PAPPA2: variants seen among roughly 807,000 people sequenced by gnomAD.
PAPPA2 encodes the protein pappalysin 2, also known as pappalysin-2.
A neutral mutation model predicts 176.4 loss-of-function variants in PAPPA2; 86 were observed. That is an observed-to-expected ratio of 0.49 (90% CI 0.41 to 0.58). The LOEUF (loss-of-function observed/expected upper bound fraction) is 0.58. PAPPA2 is among the 20% of genes least tolerant of loss of function. PAPPA2 has a pLI of 0.00. For synonymous variants in PAPPA2, 809 were observed against 852.2 expected (o/e 0.95, Z 0.88); for missense variants, 2,073 against 2,256.9 (o/e 0.92, Z 1.65).
At chr1:176,839,257 A>G (rs1018339667) in intron 21 of PAPPA2, among the ~76,000 whole-genome samples, 3 of 152,182 alleles carry the variant, frequency 2.0e-5, no homozygotes, top group African/African-American at 7.2e-5. Flanking sequence ...CAGCAGGACA[A>G]CATTTCCCTC....
chr1:176,484,546 T>C (rs940167739), intron 1 of PAPPA2, among the ~76,000 whole-genome samples: 1 of 152,206 alleles, frequency 6.6e-6, no homozygotes, highest in African/African-American at 2.4e-5. Flanking sequence ...TTTTCAGCCA[T>C]TTTTCGGTTT....
intron 3 of PAPPA2, 58 bp downstream of exon 3, chr1:176,595,653 A>T: frequency 6.6e-7 from 1 of 1,510,314 alleles, no homozygotes; most frequent in South Asian, 1.3e-5. Context: ...ACATCATTTT[A>T]TCTGTTTGGT....
intron 14 of PAPPA2, among the ~76,000 whole-genome samples, chr1:176,763,828 T>C (rs1663807275): frequency 6.6e-6 from 1 of 152,208 alleles, no homozygotes; most frequent in African/African-American, 2.4e-5. Context: ...AGAGGGCATC[T>C]GAAGGGACTT....
At chr1:176,810,425 T>G (rs2102961569) in intron 21 of PAPPA2, among the ~76,000 whole-genome samples, 1 of 152,254 alleles carries the variant, frequency 6.6e-6, no homozygotes, top group East Asian at 1.9e-4. Flanking sequence ...AGGATAAAAC[T>G]ATTTCACATC....
intron 3 of PAPPA2, among the ~76,000 whole-genome samples, chr1:176,643,374 C>A (rs751285197): frequency 2.7e-5 from 4 of 150,840 alleles, no homozygotes; most frequent in African/African-American, 9.7e-5. Context: ...TTAGCCTTTG[C>A]CGGTCTGCAA....
chr1:176,814,424 T>C (rs1252914637), intron 21 of PAPPA2, among the ~76,000 whole-genome samples: 1 of 152,222 alleles, frequency 6.6e-6, no homozygotes, highest in Non-Finnish European at 1.5e-5. Context: ...GAGCATGGAA[T>C]GTTTTTTCAT....
intron 1 of PAPPA2, among the ~76,000 whole-genome samples, chr1:176,500,255 A>G (rs1185960461): frequency 6.6e-6 from 1 of 152,024 alleles, no homozygotes; most frequent in East Asian, 1.9e-4. Context: ...AGTTCCATGT[A>G]TTTTATTTCA....
intron 21 of PAPPA2, among the ~76,000 whole-genome samples, chr1:176,834,460 C>T (rs1401901938): frequency 6.6e-6 from 1 of 152,176 alleles, no homozygotes; most frequent in Non-Finnish European, 1.5e-5. Context: ...CACATGACAG[C>T]AATGAGCAGC....
intron 3 of PAPPA2, among the ~76,000 whole-genome samples, chr1:176,615,820 G>A (rs1655189240): frequency 6.6e-6 from 1 of 152,136 alleles, no homozygotes; most frequent in Non-Finnish European, 1.5e-5. Flanking sequence ...ATGACTGAAG[G>A]AATAAACCAC....
intron 16 of PAPPA2, among the ~76,000 whole-genome samples, chr1:176,770,356 G>A (rs540524985): frequency 4.7e-4 from 71 of 152,284 alleles, no homozygotes; most frequent in African/African-American, 1.6e-3. Flanking sequence ...TCCATGGACT[G>A]CATTCGGAGA....
chr1:176,763,582 G>A (rs1360521110), intron 14 of PAPPA2, among the ~76,000 whole-genome samples: 1 of 152,198 alleles, frequency 6.6e-6, no homozygotes, highest in Admixed American at 6.5e-5. Context: ...AGCAAGTCAT[G>A]CGTTGAATAT....
chr1:176,666,783 C>A (rs939521818), intron 3 of PAPPA2, among the ~76,000 whole-genome samples: 2 of 151,738 alleles, frequency 1.3e-5, no homozygotes, highest in African/African-American at 4.8e-5. Flanking sequence ...TCAAATTACC[C>A]CTGGAGAGGA....
At chr1:176,613,497 G>T (rs988497862) in intron 3 of PAPPA2, among the ~76,000 whole-genome samples, 4 of 152,160 alleles carry the variant, frequency 2.6e-5, no homozygotes, top group Admixed American at 6.5e-5. Context: ...AGCTACCCAA[G>T]GTATTAGGCA....
chr1:176,640,200 T>C (rs1403696023), intron 3 of PAPPA2, among the ~76,000 whole-genome samples: 1 of 150,968 alleles, frequency 6.6e-6, no homozygotes, highest in Non-Finnish European at 1.5e-5. Flanking sequence ...TATTTATTTA[T>C]TATTATTATA....
chr1:176,592,372 T>A (rs1040477711), intron 2 of PAPPA2, among the ~76,000 whole-genome samples: 2 of 152,190 alleles, frequency 1.3e-5, no homozygotes, highest in Non-Finnish European at 2.9e-5. Context: ...ATGATCTTAG[T>A]GGTCTTGGCT....
chr1:176,555,022 AGG>A (rs1158668202), intron 1 of PAPPA2, among the ~76,000 whole-genome samples: 3 of 148,496 alleles, frequency 2.0e-5, no homozygotes, highest in Non-Finnish European at 4.5e-5. Flanking sequence ...AGAGAGAGAG[AGG>A]GAGAATACAC....
chr1:176,469,940 G>A (rs555124276), intron 1 of PAPPA2, among the ~76,000 whole-genome samples: 1 of 152,268 alleles, frequency 6.6e-6, no homozygotes, highest in Non-Finnish European at 1.5e-5. Flanking sequence ...CCCATTCCAT[G>A]TTGATACTCC....
At chr1:176,479,279 T>C (rs1269607343) in intron 1 of PAPPA2, among the ~76,000 whole-genome samples, 14 of 152,168 alleles carry the variant, frequency 9.2e-5, no homozygotes, top group African/African-American at 3.4e-4. Context: ...CCATCTCTTT[T>C]GGATCTAACT....
At position 176,556,410 on chromosome 1, in the gene PAPPA2, C is replaced by G. The variant is rs371276745; in HGVS notation, c.88C>G (p.Arg30Gly). 6.2e-7 allele frequency: 1 copy of G among 1,614,130 alleles called. No individual in the cohort carries two copies. Among genetic ancestry groups the G allele is most frequent in the Non-Finnish European group, 8.5e-7 (1 of 1,180,036 alleles). The change falls in exon 2 of 23, where the codon CGC becomes GGC. Residue 30 changes from arginine to glycine, a missense_variant. Arg to Gly is a moderately radical substitution (Grantham distance 125, BLOSUM62 -2). Transcript: ENST00000367662. ...TGCCAACTCTGAGCTGGGCTGGACA[C>G]GCAAGAAATCCTTGGTTGAGAGGGA... ...CSANSELGWT[R>G]KKSLVEREHL... is the part of the protein sequence containing the mutation.
Sources: gnomAD v4.1 joint callset for allele counts (sites outside exome capture counted in the v4.1 genomes callset) on GRCh38, gnomAD v4.1.1 for gene constraint, MANE v1.5 for transcripts, NCBI Gene and HGNC (gene_info 2026-07-23, HGNC 2026-07-21) for gene names.